The following LAMA3 variants were observed in gnomAD, a reference collection of about 807,000 sequenced individuals.
LAMA3 encodes laminin subunit alpha-3.
In LAMA3, 281 loss-of-function variants were observed where a neutral mutation model predicts 402.0. The observed-to-expected ratio is 0.70, with a 90% CI of 0.63 to 0.77. The LOEUF (loss-of-function observed/expected upper bound fraction) is 0.77. Among genes scored for constraint, LAMA3 ranks in the 30% least tolerant of loss-of-function variants. The pLI, the probability that LAMA3 is intolerant of heterozygous loss-of-function variation, is 0.00. For synonymous variants in LAMA3, 1,431 were observed against 1,558.4 expected, an observed-to-expected ratio of 0.92 and a Z score of 1.93; for missense variants, 3,840 against 4,215.5, an observed-to-expected ratio of 0.91 and a Z score of 2.47.
intron 32 of LAMA3, among the ~76,000 whole-genome samples, chr18:23,857,236 C>T (rs866793607): frequency 6.6e-6 from 1 of 152,216 alleles, no homozygotes; most frequent in African/African-American, 2.4e-5. Flanking sequence ...TCAGCTACTG[C>T]GCTGTGCTGC....
intron 55 of LAMA3, among the ~76,000 whole-genome samples, chr18:23,911,676 G>A (rs542289482): frequency 1.2e-3 from 174 of 151,054 alleles, no homozygotes; most frequent in Non-Finnish European, 2.2e-3. Context: ...TATTTTTCAG[G>A]ACTGAACACC....
At chr18:23,862,083 C>T (rs976154709) in intron 35 of LAMA3, among the ~76,000 whole-genome samples, 2 of 152,218 alleles carry the variant, frequency 1.3e-5, no homozygotes, top group African/African-American at 4.8e-5. Context: ...AAAGAATTTT[C>T]CTCCAGGGAA....
chr18:23,851,124 A>G (rs574611024), intron 32 of LAMA3, among the ~76,000 whole-genome samples: 130 of 152,364 alleles, frequency 8.5e-4, no homozygotes, highest in Admixed American at 1.4e-3. Context: ...CCTGAGCCCT[A>G]ACAACTTGGA....
chr18:23,937,865 T>A (rs1568366784), intron 67 of LAMA3, among the ~76,000 whole-genome samples: 1 of 152,202 alleles, frequency 6.6e-6, no homozygotes, highest in African/African-American at 2.4e-5. Flanking sequence ...TTCTGAGCAC[T>A]ATATCCAGGA....
intron 12 of LAMA3, among the ~76,000 whole-genome samples, chr18:23,803,108 T>TAAATA (rs1461808991): frequency 2.2e-4 from 33 of 152,210 alleles, no homozygotes; most frequent in African/African-American, 8.0e-4. Context: ...AAGCATTCTG[T>TAAATA]AAGTCTACAA....
chr18:23,907,971 T>G, intron 54 of LAMA3, 36 bp downstream of exon 54: 1 of 1,594,940 alleles, frequency 6.3e-7, no homozygotes, highest in Non-Finnish European at 8.6e-7. Context: ...ATCTTAGCCA[T>G]TCTCTCCATT....
rs1176041313 is a variant in LAMA3 at position 23,936,245 on chromosome 18, A to AT, written c.8862+2316dup. Among the ~76,000 whole-genome samples the AT allele has an allele frequency of 3.3e-5, 5 of 150,942 alleles. No individual in the cohort carries two copies. In the East Asian group the frequency reaches 5.8e-4, roughly 18 times the overall value. Reference sequence around the variant, plus strand: ...TTATTTTTTCTTTTTATATATATATATTTTTTATTATACTTTAAGTTCTAG... The same window carrying AT: ...TTATTTTTTCTTTTTATATATATATATTTTTTTATTATACTTTAAGTTCTAG... On this transcript the variant is annotated intron_variant, in intron 67 of 74. Coordinates refer to ENST00000313654, the MANE Select transcript of LAMA3 (RefSeq NM_198129.4).
intron 38 of LAMA3, among the ~76,000 whole-genome samples, chr18:23,873,408 C>G (rs566859326): frequency 6.6e-6 from 1 of 152,142 alleles, no homozygotes; most frequent in Non-Finnish European, 1.5e-5. Context: ...ACCGCAAACC[C>G]CATTAACATC....
chr18:23,842,846 A>C (rs544938501), intron 29 of LAMA3, 96 bp downstream of exon 29: 1 of 1,461,934 alleles, frequency 6.8e-7, no homozygotes, highest in African/African-American at 1.4e-5. Flanking sequence ...TCTTCCAAGG[A>C]ATTGAAGTCA....
intron 54 of LAMA3, among the ~76,000 whole-genome samples, chr18:23,908,463 G>A (rs2081323201): frequency 1.3e-5 from 2 of 149,726 alleles, no homozygotes; most frequent in South Asian, 2.1e-4. Flanking sequence ...CTGGGAGGTG[G>A]AGGTTGCAGT....
At chr18:23,837,570 G>GATTATATATATATATAT (rs2063609402) in intron 25 of LAMA3, among the ~76,000 whole-genome samples, 1 of 83,284 alleles carries the variant, frequency 1.2e-5, no homozygotes, top group Non-Finnish European at 2.3e-5. Flanking sequence ...CAGTTAATCA[G>GATTATATATATATATAT]ATATATATAT....
chr18:23,698,285 C>A (rs1226211241), intron 1 of LAMA3, among the ~76,000 whole-genome samples: 1 of 149,210 alleles, frequency 6.7e-6, no homozygotes, highest in African/African-American at 2.5e-5. Flanking sequence ...CGGCTCACTG[C>A]GAGCTCCGCC....
At chr18:23,762,354 C>T (rs903822152) in intron 7 of LAMA3, among the ~76,000 whole-genome samples, 1 of 151,956 alleles carries the variant, frequency 6.6e-6, no homozygotes, top group Non-Finnish European at 1.5e-5. Flanking sequence ...TTTGGGAGGC[C>T]GAGGCGGGCA....
rs539250395 is a variant in LAMA3 at position 23,876,306 on chromosome 18, G to A, written c.5011G>A (p.Gly1671Arg). 6.2e-7 allele frequency: 1 copy of A among 1,612,230 alleles called. No homozygotes were observed. Among genetic ancestry groups the A allele is most frequent in the Admixed American group, 1.7e-5 (1 of 60,030 alleles). ...GTTTGAAAAATAGGGTTGTAGCCCT[G>A]GATACTATCGGGATCATAAAGGCTT... Reference protein sequence around the residue: ...AGDSCQGCSPGYYRDHKGLYT... With the variant: ...AGDSCQGCSPRYYRDHKGLYT... Residue 1671 changes from glycine (G) to arginine (R), a missense_variant, in exon 39 of 75, where the codon GGA (glycine) becomes AGA (arginine). This residue lies in a region of LAMA3 where 2,109 missense variants were observed against 2,376.0 expected (regional missense o/e 0.89). Transcript: ENST00000313654.
chr18:23,776,460 A>G (rs1233988610), intron 10 of LAMA3, among the ~76,000 whole-genome samples: 1 of 152,204 alleles, frequency 6.6e-6, no homozygotes, highest in African/African-American at 2.4e-5. Flanking sequence ...AATCTGTGAA[A>G]CCAGCTATGC....
At chr18:23,745,229 C>T (rs1052536384) in intron 2 of LAMA3, among the ~76,000 whole-genome samples, 18 of 151,902 alleles carry the variant, frequency 1.2e-4, no homozygotes, top group African/African-American at 4.1e-4. Flanking sequence ...ATATTGTTAA[C>T]AGTTGGTGAA....
In LAMA3 at chr18:23,815,515, C is replaced by A. The variant is rs558629621; in HGVS notation, c.1989C>A (p.Cys663Ter). 6.2e-7 allele frequency: 1 copy of A among 1,614,100 alleles called. No individual in the cohort carries two copies. Residue 663 changes from cysteine (C) to a stop codon, truncating the protein, a stop_gained, in exon 17 of 75, where the codon TGC becomes TGA. Transcript: ENST00000313654. LOFTEE classifies it high-confidence loss of function. Reference protein sequence around the residue: ...HCKSHVGGDSCDTCEDGYFAL... With the variant: ...HCKSHVGGDS ...AGTCCCATGTGGGTGGCGATTCCTGCGACACCTGTGAAGATGGATATTTTG... is the reference window on the plus strand; with the variant it reads ...AGTCCCATGTGGGTGGCGATTCCTGAGACACCTGTGAAGATGGATATTTTG...
chr18:23,695,160 C>T (rs1177376681), intron 1 of LAMA3, among the ~76,000 whole-genome samples: 1 of 152,182 alleles, frequency 6.6e-6, no homozygotes, highest in East Asian at 1.9e-4. Flanking sequence ...CCTTCCTCTA[C>T]ATATTTCAGA....
chr18:23,813,268 T>TC (rs1369206933), intron 14 of LAMA3, among the ~76,000 whole-genome samples, 165 bp downstream of exon 14: 1 of 151,578 alleles, frequency 6.6e-6, no homozygotes, highest in Non-Finnish European at 1.5e-5. Flanking sequence ...TTTTGTGATT[T>TC]TTTTTTTCAA....
Sources: gnomAD v4.1 joint callset for allele counts (sites outside exome capture counted in the v4.1 genomes callset) on GRCh38, gnomAD v4.1.1 for gene constraint, gnomAD v4.1.1 regional missense constraint, MANE v1.5 for transcripts, NCBI Gene and HGNC (gene_info 2026-07-23, HGNC 2026-07-21) for gene names.